Variants in CCDC146 observed in about 807,000 individuals in gnomAD.
CCDC146 encodes the protein coiled-coil domain-containing protein 146.
In CCDC146, 92 loss-of-function variants were observed where a neutral mutation model predicts 119.3. That is an observed-to-expected ratio of 0.77 (90% CI 0.65 to 0.92). The LOEUF is 0.92. CCDC146 is among the 40% of genes least tolerant of loss of function. The pLI is 0.00. For missense variants in CCDC146, 1,000 were observed against 1,103.0 expected (o/e 0.91, Z 1.32); for synonymous variants, 372 against 371.8 (o/e 1.00, Z -0.01).
intron 2 of CCDC146, among the ~76,000 whole-genome samples, chr7:77,207,387 A>G (rs1792100180): frequency 6.6e-6 from 1 of 152,198 alleles, no homozygotes; most frequent in Admixed American, 6.5e-5. Flanking sequence ...AGTTTATTTT[A>G]AACTACCCAC....
intron 9 of CCDC146, among the ~76,000 whole-genome samples, 159 bp from the exon 10 acceptor site, chr7:77,273,535 T>C (rs1169307501): frequency 7.2e-6 from 1 of 138,188 alleles, no homozygotes; most frequent in Non-Finnish European, 1.6e-5. Context: ...TATTTATTTA[T>C]TTTCAGACAG....
chr7:77,291,585 G>A (rs142678072), intron 17 of CCDC146, among the ~76,000 whole-genome samples: 2 of 152,252 alleles, frequency 1.3e-5, no homozygotes, highest in African/African-American at 2.4e-5. Context: ...GTGCACACCT[G>A]TGGTCCCAGC....
At chr7:77,209,094 A>G (rs1436812818) in intron 2 of CCDC146, among the ~76,000 whole-genome samples, 2 of 152,178 alleles carry the variant, frequency 1.3e-5, no homozygotes, top group African/African-American at 4.8e-5. Context: ...ACAGTTCCCC[A>G]AAGTCCTTAA....
In CCDC146 at chr7:77,280,499, C is replaced by G. The variant is rs751587535; in HGVS notation, c.1765C>G (p.Arg589Gly). The change falls in exon 14 of 19, where the codon CGC becomes GGC. Residue 589 changes from arginine (R) to glycine (G), a missense_variant. Arg to Gly is a moderately radical substitution (Grantham distance 125). Around this residue, in one of 2 missense-constraint regions of CCDC146, gnomAD observed 985 missense variants for 1,045.3 expected, o/e 0.94. Transcript: ENST00000285871. The stretch of plus-strand genomic sequence containing the variant: ...CAGAGAGAGCATGCAAAACGATGTG[C>G]GCAAAATTGTATCAAAACTTCAGGA... ...TIRESMQNDV[R>G]KIVSKLQEMK... 1.9e-6 allele frequency: 3 copies of G among 1,613,910 alleles called. No homozygotes were observed. Among genetic ancestry groups the G allele is most frequent in the Non-Finnish European group, 2.5e-6 (3 of 1,179,982 alleles).
intron 4 of CCDC146, among the ~76,000 whole-genome samples, chr7:77,252,415 A>T (rs1174918998): frequency 3.3e-5 from 5 of 152,184 alleles, no homozygotes; most frequent in East Asian, 1.9e-4. Flanking sequence ...TGAAGAAAAA[A>T]TCTTGAAAGA....
At chr7:77,272,590 A>T (rs3108442) in intron 9 of CCDC146, among the ~76,000 whole-genome samples, 134,114 of 152,132 alleles carry the variant, frequency 0.88, 59,381 homozygotes, top group East Asian at 0.98. Flanking sequence ...TGGAGTCATG[A>T]GCTTTTGGTG....
intron 11 of CCDC146, among the ~76,000 whole-genome samples, chr7:77,275,576 C>T (rs1298981220): frequency 1.3e-5 from 2 of 152,172 alleles, no homozygotes; most frequent in African/African-American, 4.8e-5. Context: ...GTTTTCACTC[C>T]CATCTCAGAC....
At chr7:77,155,428 A>C (rs1034282063) in intron 1 of CCDC146, among the ~76,000 whole-genome samples, 2 of 152,102 alleles carry the variant, frequency 1.3e-5, no homozygotes, top group Non-Finnish European at 2.9e-5. Flanking sequence ...AAATTGTGTC[A>C]GCCTGCCTGT....
chr7:77,161,620 C>G (rs1186008510), intron 1 of CCDC146, among the ~76,000 whole-genome samples: 1 of 123,644 alleles, frequency 8.1e-6, no homozygotes, highest in Non-Finnish European at 1.6e-5. Context: ...GGGAACGTCA[C>G]ACTCTGGGGA....
Position 77,254,533 on chromosome 7 carries a change from A to C in CCDC146, c.477A>C (p.Val159=). The C allele has an allele frequency of 6.5e-7, 1 of 1,548,458 alleles. No homozygotes were observed. Among genetic ancestry groups the C allele is most frequent in the Non-Finnish European group, 8.9e-7 (1 of 1,125,602 alleles). ...NSLKEEKIII[V]KEFEKITKPG... is the part of the protein sequence containing the mutation. ...TAAAGGAAGAAAAAATCATCATAGT[A>C]AAAGAATTTGAGAAGATAACAAAGC... The change falls in exon 5 of 19, where the codon GTA becomes GTC. Residue 159 remains valine, a synonymous_variant. Coordinates refer to ENST00000285871, the MANE Select transcript of CCDC146 (RefSeq NM_020879.3).
At position 77,196,987 on chromosome 7, in the gene CCDC146, T is replaced by C. The variant is rs555120974; in HGVS notation, c.156+29163T>C. On this transcript the variant is annotated intron_variant, in intron 2 of 18. Transcript: ENST00000285871. This position sits in a 1 kb window ranked among gnomAD's most constrained non-coding sequence, Gnocchi z 4.2. ...AATCTTTATATATTAGATGTTGAACTGAAGGGGAAATAAAAGGAAGGCATT... is the reference window on the plus strand; with the variant it reads ...AATCTTTATATATTAGATGTTGAACCGAAGGGGAAATAAAAGGAAGGCATT... 24 of 1,557,852 alleles carry C rather than the reference T, an allele frequency of 1.5e-5. No individual in the cohort carries two copies. In the African/African-American group the frequency reaches 2.9e-4, roughly 19 times the overall value.
chr7:77,133,008 C>A (rs562003017), intron 1 of CCDC146, among the ~76,000 whole-genome samples: 4 of 151,962 alleles, frequency 2.6e-5, no homozygotes, highest in African/African-American at 9.7e-5. Flanking sequence ...CCCATCTCTA[C>A]TAAAAATATA....
intron 3 of CCDC146, among the ~76,000 whole-genome samples, chr7:77,241,139 G>A (rs1792839825): frequency 6.7e-6 from 1 of 149,994 alleles, no homozygotes; most frequent in South Asian, 2.1e-4. Flanking sequence ...CTCACTGCAA[G>A]CTCCGCCTCC....
At chr7:77,216,171 G>C (rs1031137171) in intron 2 of CCDC146, among the ~76,000 whole-genome samples, 1 of 151,692 alleles carries the variant, frequency 6.6e-6, no homozygotes, top group Non-Finnish European at 1.5e-5. Context: ...TAATGCCTTT[G>C]TCCCCTCTTT....
chr7:77,259,294 T>C (rs1313471609), intron 7 of CCDC146: 2 of 413,044 alleles, frequency 4.8e-6, no homozygotes, highest in Non-Finnish European at 8.6e-6. Context: ...AAGATTCTGT[T>C]GCCAATTTAT....
chr7:77,192,225 T>C (rs1328272768), intron 2 of CCDC146, among the ~76,000 whole-genome samples: 1 of 152,184 alleles, frequency 6.6e-6, no homozygotes, highest in Non-Finnish European at 1.5e-5. Context: ...GGAATGATGA[T>C]TTTTAAATAT....
At chr7:77,226,587 G>A (rs1029908414) in intron 2 of CCDC146, among the ~76,000 whole-genome samples, 3 of 152,188 alleles carry the variant, frequency 2.0e-5, no homozygotes, top group African/African-American at 4.8e-5. Context: ...TAGAGTAAAT[G>A]TTTCCTTCCA....
intron 2 of CCDC146, among the ~76,000 whole-genome samples, chr7:77,211,282 T>C (rs1792177369): frequency 6.6e-6 from 1 of 152,230 alleles, no homozygotes; most frequent in African/African-American, 2.4e-5. Context: ...CACCTTCCTT[T>C]TGCTGTGCCT....
intron 1 of CCDC146, among the ~76,000 whole-genome samples, chr7:77,134,984 G>C (rs991548153): frequency 5.3e-5 from 8 of 152,278 alleles, no homozygotes; most frequent in African/African-American, 1.7e-4. Flanking sequence ...GTTTGTTTTT[G>C]AACTGCATAG....
Sources: allele counts gnomAD v4.1 joint callset (sites outside exome capture counted in the v4.1 genomes callset), GRCh38; gene constraint gnomAD v4.1.1; regional missense constraint gnomAD v4.1.1; non-coding constraint Gnocchi (gnomAD v3.1); transcripts MANE v1.5; gene names NCBI Gene and HGNC (gene_info 2026-07-23, HGNC 2026-07-21).